KLHL32: variants seen among roughly 807,000 people sequenced by gnomAD.
KLHL32 encodes the protein kelch like family member 32, also known as kelch-like protein 32.
A neutral mutation model predicts 64.8 loss-of-function variants in KLHL32; 35 were observed. The ratio of observed to expected loss-of-function variants is 0.54; its 90% CI spans 0.41 to 0.72. The LOEUF (loss-of-function observed/expected upper bound fraction) is 0.72. Among genes scored for constraint, KLHL32 ranks in the 30% least tolerant of loss-of-function variants. The pLI is 0.00. For missense variants in KLHL32, 589 were observed against 768.5 expected, an observed-to-expected ratio of 0.77 and a Z score of 2.76; for synonymous variants, 259 against 281.0, an observed-to-expected ratio of 0.92 and a Z score of 0.78.
chr6:96,948,504 G>T (rs1053271505), intron 1 of KLHL32, among the ~76,000 whole-genome samples: 3 of 152,046 alleles, frequency 2.0e-5, no homozygotes, highest in African/African-American at 7.2e-5. Flanking sequence ...CTTTTTTTGT[G>T]TGTGATACAT....
At chr6:97,100,042 T>C (rs1007171200) in intron 6 of KLHL32, among the ~76,000 whole-genome samples, 1 of 152,086 alleles carries the variant, frequency 6.6e-6, no homozygotes, top group Non-Finnish European at 1.5e-5. Context: ...CTACTCAGGC[T>C]GAGGTAGGAG....
Position 97,064,720 on chromosome 6 carries a change from C to T in KLHL32, c.405C>T (p.Leu135=). ...TTCTCAATTTATGCTCCCACTATCTCATCCAGGTATGTGAGCTTGCATCCT... is the reference window on the plus strand; with the variant it reads ...TTCTCAATTTATGCTCCCACTATCTTATCCAGGTATGTGAGCTTGCATCCT... ...LELLNLCSHY[L]IQELNSFNYL... is the part of the protein sequence containing the mutation. The change falls in exon 5 of 11, where the codon CTC becomes CTT. Residue 135 remains leucine, a synonymous_variant. Transcript: ENST00000369261. 1.2e-6 allele frequency: 2 copies of T among 1,612,508 alleles called. No homozygotes were observed. Among genetic ancestry groups the T allele is most frequent in the Non-Finnish European group, 1.7e-6 (2 of 1,178,472 alleles).
At chr6:97,053,859 G>A (rs1004941647) in intron 4 of KLHL32, among the ~76,000 whole-genome samples, 1 of 151,482 alleles carries the variant, frequency 6.6e-6, no homozygotes, top group African/African-American at 2.4e-5. Flanking sequence ...TAGATATTTT[G>A]TAGTCTGTGC....
At chr6:97,121,070 C>T (rs1798312226) in intron 7 of KLHL32, among the ~76,000 whole-genome samples, 2 of 152,218 alleles carry the variant, frequency 1.3e-5, no homozygotes, top group Admixed American at 6.5e-5. Context: ...ACAAAGCTTT[C>T]ATCCTAAACT....
chr6:96,908,470 C>T, the KLHL32 span, among the ~76,000 whole-genome samples: 1 of 152,156 alleles, frequency 6.6e-6, no homozygotes, highest in South Asian at 2.1e-4. Flanking sequence ...CACATGCACA[C>T]CCCTCTGCAT....
intron 6 of KLHL32, among the ~76,000 whole-genome samples, chr6:97,087,306 C>A (rs1793563048): frequency 6.6e-6 from 1 of 152,120 alleles, no homozygotes; most frequent in Non-Finnish European, 1.5e-5. Context: ...TAGTTAAGTT[C>A]ATCATTTTTG....
intron 3 of KLHL32, among the ~76,000 whole-genome samples, chr6:97,026,810 A>G (rs768641113): frequency 2.0e-5 from 3 of 152,208 alleles, no homozygotes; most frequent in Non-Finnish European, 2.9e-5. Flanking sequence ...ATAATAAGTG[A>G]TAACTGAGGA....
chr6:97,135,246 G>A (rs771211010), intron 10 of KLHL32, among the ~76,000 whole-genome samples: 17 of 150,178 alleles, frequency 1.1e-4, no homozygotes, highest in East Asian at 1.9e-4. Flanking sequence ...CAAATACTGC[G>A]TTTATTCCTT....
In KLHL32 at chr6:97,130,889, A is replaced by G. The variant is rs772759568; in HGVS notation, c.1546A>G (p.Ile516Val). The G allele has an allele frequency of 2.2e-5, 36 of 1,614,004 alleles. No individual in the cohort carries two copies. The highest frequency in any genetic ancestry group is 2.4e-5 in the Non-Finnish European group (28 of 1,179,982). Residue 516 changes from isoleucine (I) to valine (V), a missense_variant, in exon 9 of 11, where the codon ATA becomes GTA. By Grantham distance (29) the Ile-to-Val change is conservative. Coordinates refer to ENST00000369261, the MANE Select transcript of KLHL32 (RefSeq NM_052904.4). The part of the protein sequence containing the change: ...YNNDRILVRH[I>V]DSYNIDTDQW... The stretch of plus-strand genomic sequence containing the variant: ...TAATGACCGGATCCTTGTGCGCCAT[A>G]TAGATTCTTACAACATAGACACTGA...
chr6:96,979,122 T>C (rs945346044), intron 3 of KLHL32, among the ~76,000 whole-genome samples: 1 of 152,214 alleles, frequency 6.6e-6, no homozygotes, highest in African/African-American at 2.4e-5. Flanking sequence ...TTTCTGTTGC[T>C]GTCCATAAGC....
chr6:97,112,278 A>G (rs140054692), intron 6 of KLHL32, among the ~76,000 whole-genome samples: 6 of 152,174 alleles, frequency 3.9e-5, no homozygotes, highest in Non-Finnish European at 8.8e-5. Context: ...TGGGAGATCT[A>G]CTTTAATGTA....
At position 97,092,110 on chromosome 6, in the gene KLHL32, C is replaced by T. The variant is rs990261321; in HGVS notation, c.627+6769C>T. ...GTTCAAGTGATTCTCCAGCCTCCGC[C>T]TCCCAAGTAGCTGGGATTACAGGCA... On this transcript the variant is annotated intron_variant, in intron 6 of 10. Coordinates refer to ENST00000369261, the MANE Select transcript of KLHL32 (RefSeq NM_052904.4). 4.6e-5 allele frequency among the ~76,000 whole-genome samples: 7 copies of T among 152,208 alleles called. No homozygotes were observed. The East Asian group carries it at 1.4e-3, about 29-fold the overall frequency.
chr6:96,977,219 T>C (rs7770535), intron 3 of KLHL32, among the ~76,000 whole-genome samples: 33,358 of 152,074 alleles, frequency 0.22, 4,161 homozygotes, highest in African/African-American at 0.34. Context: ...TATATACATA[T>C]TATTAAAATG....
intron 5 of KLHL32, 120 bp downstream of exon 5, chr6:97,064,846 T>A: frequency 1.3e-6 from 1 of 745,780 alleles, no homozygotes; most frequent in Non-Finnish European, 2.2e-6. Flanking sequence ...TGGGCTGTGG[T>A]AGTAGAGTTT....
At position 97,112,136 on chromosome 6, in the gene KLHL32, G is replaced by A. The variant is rs764966401; in HGVS notation, c.628-1647G>A. On this transcript the variant is annotated intron_variant, in intron 6 of 10. Coordinates refer to ENST00000369261, the MANE Select transcript of KLHL32 (RefSeq NM_052904.4). ...GGCTGCGGTGCCAGGCTTGAGGGTGGGGCCCTCAGTGGGGACCCATCTTCT... is the reference window on the plus strand; with the variant it reads ...GGCTGCGGTGCCAGGCTTGAGGGTGAGGCCCTCAGTGGGGACCCATCTTCT... Among the ~76,000 whole-genome samples, 11 of 152,078 alleles carry A rather than the reference G, an allele frequency of 7.2e-5. 1 individual carries two copies. Among genetic ancestry groups the A allele is most frequent in the Admixed American group, 2.0e-4 (3 of 15,270 alleles).
chr6:96,902,986 C>G, the KLHL32 span, among the ~76,000 whole-genome samples: 1 of 152,004 alleles, frequency 6.6e-6, no homozygotes, highest in African/African-American at 2.4e-5. Flanking sequence ...GTTTTGGTTA[C>G]TGTAGCCCTG....
chr6:97,089,956 C>T (rs895449649), intron 6 of KLHL32, among the ~76,000 whole-genome samples: 1 of 152,028 alleles, frequency 6.6e-6, no homozygotes, highest in Non-Finnish European at 1.5e-5. Context: ...GGGAGGGTTT[C>T]CTTTATTCTA....
At chr6:97,136,375 AT>A (rs1800015069) in intron 10 of KLHL32, among the ~76,000 whole-genome samples, 1 of 152,240 alleles carries the variant, frequency 6.6e-6, no homozygotes, top group African/African-American at 2.4e-5. Flanking sequence ...CAGACTATTT[AT>A]CCATCAGAAG....
At chr6:96,945,754 G>C (rs530651911) in intron 1 of KLHL32, among the ~76,000 whole-genome samples, 3 of 152,256 alleles carry the variant, frequency 2.0e-5, no homozygotes, top group African/African-American at 7.2e-5. Context: ...AGCTTCCCGG[G>C]GGAGTCACAG....
Sources: gnomAD v4.1 joint callset for allele counts (sites outside exome capture counted in the v4.1 genomes callset) on GRCh38, gnomAD v4.1.1 for gene constraint, MANE v1.5 for transcripts, NCBI Gene and HGNC (gene_info 2026-07-23, HGNC 2026-07-21) for gene names.